C8orf34: variants seen among roughly 807,000 people sequenced by gnomAD.
C8orf34 encodes the protein chromosome 8 open reading frame 34.
A neutral mutation model predicts 68.3 loss-of-function variants in C8orf34; 65 were observed. The observed-to-expected ratio is 0.95, with a 90% confidence interval of 0.78 to 1.17. C8orf34 has a LOEUF of 1.17. Ranked by LOEUF, C8orf34 falls within the 50% of genes most tolerant of loss-of-function variation. The pLI is 0.00. For missense variants in C8orf34, 664 were observed against 655.4 expected (o/e 1.01, Z -0.14); for synonymous variants, 244 against 241.2 (o/e 1.01, Z -0.11).
In C8orf34 at chr8:68,687,795, C is replaced by T. The variant is rs1218825489; in HGVS notation, c.1242-21199C>T. ...AATTAAGCTAAAAAGCTTCTGTACA[C>T]CAAAAGAAATAATCAACAGAGTAAA... On this transcript the variant is annotated intron_variant, in intron 8 of 13. Coordinates refer to ENST00000518698, the MANE Select transcript of C8orf34 (RefSeq NM_052958.4). 5.3e-5 allele frequency among the ~76,000 whole-genome samples: 8 copies of T among 151,740 alleles called. No individual in the cohort carries two copies. The South Asian group carries it at 1.5e-3, about 28-fold the overall frequency.
intron 10 of C8orf34, among the ~76,000 whole-genome samples, chr8:68,752,680 G>A (rs1020827923): frequency 1.3e-5 from 2 of 152,146 alleles, no homozygotes; most frequent in Admixed American, 6.5e-5. Flanking sequence ...TTGTGGATGC[G>A]CAGTGGAAGT....
At chr8:68,674,871 T>C (rs1585710953) in intron 8 of C8orf34, among the ~76,000 whole-genome samples, 1 of 140,008 alleles carries the variant, frequency 7.1e-6, no homozygotes, top group Admixed American at 6.9e-5. Flanking sequence ...GGTCCCAAAC[T>C]CCCAAAGGAT....
intron 3 of C8orf34, among the ~76,000 whole-genome samples, chr8:68,450,196 T>A (rs1207239296): frequency 6.6e-6 from 1 of 152,164 alleles, no homozygotes; most frequent in African/African-American, 2.4e-5. Context: ...ATCATGAGAT[T>A]GTGGCAATTC....
chr8:68,601,821 T>A (rs1817707488), intron 7 of C8orf34, among the ~76,000 whole-genome samples: 1 of 152,178 alleles, frequency 6.6e-6, no homozygotes, highest in Non-Finnish European at 1.5e-5. Flanking sequence ...CTGCACATTT[T>A]GTATATTATA....
Position 68,343,568 on chromosome 8 carries a change from G to A in C8orf34, c.327+12229G>A, listed in dbSNP as rs566805519. ...GCCTCCCAAGTAGCTGGGACTGCAG[G>A]CAGATGATGCTGTATGCCTAGCTAA... is the stretch of plus-strand genomic sequence containing the variant. On this transcript the variant is annotated intron_variant, in intron 1 of 13. Coordinates refer to ENST00000518698, the MANE Select transcript of C8orf34 (RefSeq NM_052958.4). 6.7e-4 allele frequency among the ~76,000 whole-genome samples: 101 copies of A among 151,018 alleles called. 1 individual carries two copies. The South Asian group carries it at 0.021, about 31-fold the overall frequency.
intron 7 of C8orf34, among the ~76,000 whole-genome samples, chr8:68,560,103 A>T (rs187653884): frequency 1.3e-5 from 2 of 151,742 alleles, no homozygotes; most frequent in East Asian, 3.9e-4. Context: ...TCAGTGGAAA[A>T]CTATGGAAGA....
At chr8:68,337,521 A>T (rs1370331797) in intron 1 of C8orf34, among the ~76,000 whole-genome samples, 2 of 152,244 alleles carry the variant, frequency 1.3e-5, no homozygotes, top group African/African-American at 4.8e-5. Flanking sequence ...TACTTCTGTT[A>T]TGAAAGAGAT....
At chr8:68,763,283 C>T (rs1320222461) in intron 10 of C8orf34, among the ~76,000 whole-genome samples, 1 of 152,200 alleles carries the variant, frequency 6.6e-6, no homozygotes, top group Non-Finnish European at 1.5e-5. Flanking sequence ...ACATCCTTCC[C>T]TAACTTTGTT....
intron 7 of C8orf34, among the ~76,000 whole-genome samples, chr8:68,561,345 C>T (rs1816419562): frequency 6.7e-6 from 1 of 148,680 alleles, no homozygotes; most frequent in Admixed American, 6.6e-5. Flanking sequence ...AAAACGCAAA[C>T]ACATTATACA....
intron 10 of C8orf34, among the ~76,000 whole-genome samples, chr8:68,737,661 A>T (rs936240574): frequency 6.0e-5 from 9 of 151,252 alleles, no homozygotes; most frequent in Admixed American, 2.6e-4. Context: ...AACAAAGATT[A>T]AAAAAAAAGA....
chr8:68,532,673 G>T (rs1815298143), intron 6 of C8orf34, among the ~76,000 whole-genome samples: 1 of 152,076 alleles, frequency 6.6e-6, no homozygotes, highest in Admixed American at 6.5e-5. Context: ...CTAATAATCT[G>T]GACCTTCTAG....
intron 1 of C8orf34, among the ~76,000 whole-genome samples, chr8:68,399,570 T>C (rs1024525488): frequency 6.6e-6 from 1 of 152,104 alleles, no homozygotes; most frequent in Non-Finnish European, 1.5e-5. Context: ...TTGATGGACA[T>C]TGAGGTTGAT....
chr8:68,741,144 G>A (rs1382780995), intron 10 of C8orf34, among the ~76,000 whole-genome samples: 2 of 152,062 alleles, frequency 1.3e-5, no homozygotes, highest in African/African-American at 4.8e-5. Flanking sequence ...ATAGCTGGAT[G>A]ACGAAATAAC....
intron 10 of C8orf34, among the ~76,000 whole-genome samples, chr8:68,742,516 C>A (rs1822331809): frequency 6.6e-6 from 1 of 152,304 alleles, no homozygotes; most frequent in South Asian, 2.1e-4. Context: ...TTATCGTGTT[C>A]CAGGTTGGCT....
chr8:68,630,933 AC>A (rs1818671594), intron 7 of C8orf34, among the ~76,000 whole-genome samples: 2 of 146,046 alleles, frequency 1.4e-5, no homozygotes, highest in Non-Finnish European at 3.0e-5. Context: ...GCATGCCCCA[AC>A]ATGCCCAGCT....
At chr8:68,494,927 A>AT (rs1554564339) in intron 5 of C8orf34, among the ~76,000 whole-genome samples, 2 of 150,766 alleles carry the variant, frequency 1.3e-5, no homozygotes, top group African/African-American at 4.9e-5. Context: ...TATCTCAAAA[A>AT]ATATATATAT....
At chr8:68,678,593 C>G (rs936362946) in intron 8 of C8orf34, among the ~76,000 whole-genome samples, 2 of 152,040 alleles carry the variant, frequency 1.3e-5, no homozygotes, top group African/African-American at 4.8e-5. Flanking sequence ...GAACATACCT[C>G]AACTAAACAA....
rs1489053167 is a variant in C8orf34 at position 68,521,828 on chromosome 8, G to C, written c.795G>C (p.Leu265=). Reference sequence around the variant, plus strand: ...CAGTGACATTTAATTCTTCTCTTCTGAGGCCCCGTGTGATTGGAGAATGGA... The same window carrying C: ...CAGTGACATTTAATTCTTCTCTTCTCAGGCCCCGTGTGATTGGAGAATGGA... ...KETVTFNSSL[L]RPRVIGEWIG... is the part of the protein sequence containing the mutation. The change falls in exon 6 of 14, where the codon CTG becomes CTC. Residue 265 remains leucine (L), a synonymous_variant. Coordinates refer to ENST00000518698, the MANE Select transcript of C8orf34 (RefSeq NM_052958.4). 6.2e-7 allele frequency: 1 copy of C among 1,613,364 alleles called. No individual in the cohort carries two copies. Among genetic ancestry groups the C allele is most frequent in the Non-Finnish European group, 8.5e-7 (1 of 1,179,728 alleles).
intron 8 of C8orf34, among the ~76,000 whole-genome samples, chr8:68,700,464 G>A (rs55718353): frequency 0.088 from 13,367 of 152,118 alleles, 957 homozygotes; most frequent in African/African-American, 0.2. Context: ...GAGGATAGAG[G>A]CAAGGTTTTG....
Sources: gnomAD v4.1 joint callset for allele counts (sites outside exome capture counted in the v4.1 genomes callset) on GRCh38, gnomAD v4.1.1 for gene constraint, MANE v1.5 for transcripts, NCBI Gene and HGNC (gene_info 2026-07-23, HGNC 2026-07-21) for gene names.